The following CDKAL1 variants were observed in gnomAD, a reference collection of about 807,000 sequenced individuals.
CDKAL1 encodes CDKAL1 threonylcarbamoyladenosine tRNA methylthiotransferase, also known as threonylcarbamoyladenosine tRNA methylthiotransferase.
A neutral mutation model predicts 68.2 loss-of-function variants in CDKAL1; 32 were observed. The observed-to-expected ratio is 0.47, with a 90% CI of 0.35 to 0.63. CDKAL1 has a LOEUF of 0.63. Among genes scored for constraint, CDKAL1 ranks in the 30% least tolerant of loss-of-function variants. The pLI is 0.00. For missense variants in CDKAL1, 606 were observed against 696.7 expected, an observed-to-expected ratio of 0.87 and a Z score of 1.47; for synonymous variants, 234 against 244.3, an observed-to-expected ratio of 0.96 and a Z score of 0.39.
intron 11 of CDKAL1, among the ~76,000 whole-genome samples, chr6:21,062,921 TG>T (rs1771221867): frequency 6.6e-6 from 1 of 152,128 alleles, no homozygotes; most frequent in African/African-American, 2.4e-5. Flanking sequence ...TTTGTTTGTT[TG>T]TTTGTTTTTT....
At chr6:20,898,841 T>G (rs970353268) in intron 9 of CDKAL1, among the ~76,000 whole-genome samples, 4 of 152,184 alleles carry the variant, frequency 2.6e-5, no homozygotes, top group Non-Finnish European at 4.4e-5. Context: ...TTTGTGTTGC[T>G]CAAAGGAGCT....
intron 8 of CDKAL1, among the ~76,000 whole-genome samples, chr6:20,798,177 T>G (rs2150400673): frequency 6.6e-6 from 1 of 152,146 alleles, no homozygotes; most frequent in South Asian, 2.1e-4. Context: ...GGAGAAGAGA[T>G]CAAGGATTTT....
chr6:20,968,351 G>A (rs1765433059), intron 10 of CDKAL1, among the ~76,000 whole-genome samples: 1 of 151,924 alleles, frequency 6.6e-6, no homozygotes. Context: ...TAGAGACAGA[G>A]TCTCACTGTG....
intron 5 of CDKAL1, among the ~76,000 whole-genome samples, chr6:20,685,415 C>A (rs982700932): frequency 3.3e-5 from 5 of 152,112 alleles, no homozygotes; most frequent in South Asian, 2.1e-4. Context: ...TTGCAGAAAG[C>A]CTTAAAGTTG....
chr6:20,871,932 T>C (rs912932717), intron 9 of CDKAL1, among the ~76,000 whole-genome samples: 3 of 152,138 alleles, frequency 2.0e-5, no homozygotes, highest in African/African-American at 7.2e-5. Context: ...AAGGAATGCT[T>C]AAGAACACAA....
At chr6:20,637,049 A>AG (rs1446461352) in intron 4 of CDKAL1, among the ~76,000 whole-genome samples, 4 of 143,944 alleles carry the variant, frequency 2.8e-5, no homozygotes, top group Non-Finnish European at 5.9e-5. Context: ...AAAAAAAAAA[A>AG]AAAGAAAAAA....
rs1040434057 is a variant in CDKAL1, at chr6:20,968,934, C to T, written c.909+13349C>T. Among the ~76,000 whole-genome samples, 30 of 152,078 alleles carry T rather than the reference C, an allele frequency of 2.0e-4. 1 individual carries two copies. The highest frequency in any genetic ancestry group is 1.8e-3 in the Admixed American group (27 of 15,276). ...TTCTCAGGGACAGTTTCTATTGTCT[C>T]CTTTTTTCCTGTGCACAAACCATAT... On this transcript the variant is annotated intron_variant, in intron 10 of 15. Transcript: ENST00000274695.
At chr6:20,705,936 G>C (rs925415087) in intron 5 of CDKAL1, among the ~76,000 whole-genome samples, 4 of 152,174 alleles carry the variant, frequency 2.6e-5, no homozygotes, top group African/African-American at 9.7e-5. Flanking sequence ...TGCTTTATGA[G>C]TAGGTCCACT....
intron 13 of CDKAL1, among the ~76,000 whole-genome samples, chr6:21,178,730 G>C (rs780215377): frequency 6.6e-6 from 1 of 152,110 alleles, no homozygotes; most frequent in Admixed American, 6.5e-5. Context: ...ACCTACATTC[G>C]TATAGCAATT....
chr6:21,083,104 G>A (rs1211928579), intron 12 of CDKAL1, among the ~76,000 whole-genome samples: 1 of 152,002 alleles, frequency 6.6e-6, no homozygotes, highest in African/African-American at 2.4e-5. Flanking sequence ...GAGCTCAAGT[G>A]ATCCACTTGC....
chr6:20,619,661 A>G (rs1003914079), intron 4 of CDKAL1, among the ~76,000 whole-genome samples: 4 of 152,144 alleles, frequency 2.6e-5, no homozygotes, highest in African/African-American at 9.7e-5. Context: ...TTCTGAACAA[A>G]TTTCAACCCC....
At chr6:21,038,695 G>A (rs1311246326) in intron 11 of CDKAL1, among the ~76,000 whole-genome samples, 1 of 151,882 alleles carries the variant, frequency 6.6e-6, no homozygotes, top group Non-Finnish European at 1.5e-5. Context: ...TTTTTTTGGG[G>A]CTCATCAGCT....
At chr6:20,708,670 C>A (rs1771711784) in intron 5 of CDKAL1, among the ~76,000 whole-genome samples, 1 of 152,192 alleles carries the variant, frequency 6.6e-6, no homozygotes, top group South Asian at 2.1e-4. Context: ...TCTAATATGA[C>A]AGAATTGAAA....
intron 4 of CDKAL1, among the ~76,000 whole-genome samples, chr6:20,634,440 T>C (rs576149996): frequency 6.6e-6 from 1 of 152,352 alleles, no homozygotes; most frequent in East Asian, 1.9e-4. Context: ...ATGTACAGAT[T>C]ATCTATGACT....
At position 21,169,523 on chromosome 6, in the gene CDKAL1, C is replaced by G. The variant is rs565595122; in HGVS notation, c.1300-28498C>G. 1.5e-3 allele frequency among the ~76,000 whole-genome samples: 228 copies of G among 152,234 alleles called. 1 individual carries two copies. The highest frequency in any genetic ancestry group is 3.3e-3 in the South Asian group (16 of 4,822). ...TGGTGGTGCATACCTGTAATCCCAG[C>G]TACTTGGGAGGCTGAGGCAGGGGAA... is the stretch of plus-strand genomic sequence containing the variant. On this transcript the variant is annotated intron_variant, in intron 13 of 15. Coordinates refer to ENST00000274695, the MANE Select transcript of CDKAL1 (RefSeq NM_017774.3).
chr6:20,558,690 A>T, intron 4 of CDKAL1: 1 of 435,372 alleles, frequency 2.3e-6, no homozygotes, highest in Non-Finnish European at 4.6e-6. Flanking sequence ...ATAGATTGGC[A>T]GTGGTGACAA....
At chr6:20,538,094 G>T (rs1298737934) in intron 2 of CDKAL1, among the ~76,000 whole-genome samples, 1 of 152,188 alleles carries the variant, frequency 6.6e-6, no homozygotes, top group Non-Finnish European at 1.5e-5. Flanking sequence ...TTGTCAGGTT[G>T]CCCTCCAGAA....
intron 4 of CDKAL1, among the ~76,000 whole-genome samples, chr6:20,601,083 A>G (rs947923943): frequency 2.0e-5 from 3 of 151,878 alleles, no homozygotes; most frequent in Admixed American, 1.3e-4. Flanking sequence ...CTAAATCTTC[A>G]GTTTTCTTTC....
chr6:20,908,098 C>G (rs1762313342), intron 9 of CDKAL1, among the ~76,000 whole-genome samples: 2 of 152,194 alleles, frequency 1.3e-5, no homozygotes, highest in African/African-American at 4.8e-5. Context: ...CAGCGAAGGG[C>G]CTTCTGGGAA....
Sources: allele counts gnomAD v4.1 joint callset (sites outside exome capture counted in the v4.1 genomes callset), GRCh38; gene constraint gnomAD v4.1.1; transcripts MANE v1.5; gene names NCBI Gene and HGNC (gene_info 2026-07-23, HGNC 2026-07-21).